Variants in APP observed in about 807,000 individuals in gnomAD.
APP encodes the protein amyloid-beta precursor protein.
A neutral mutation model predicts 101.4 loss-of-function variants in APP; 31 were observed. The observed-to-expected ratio is 0.31, with a 90% CI of 0.23 to 0.41. The LOEUF is 0.41. APP is among the 10% of genes least tolerant of loss of function. The pLI, the probability that APP is intolerant of heterozygous loss-of-function variation, is 1.00. For synonymous variants in APP, 366 were observed against 364.4 expected, an observed-to-expected ratio of 1.00 and a Z score of -0.05; for missense variants, 839 against 1,003.7, an observed-to-expected ratio of 0.84 and a Z score of 2.22.
chr21:25,896,934 A>G (rs2038089143), intron 16 of APP, among the ~76,000 whole-genome samples: 1 of 152,204 alleles, frequency 6.6e-6, no homozygotes, highest in Admixed American at 6.6e-5. Flanking sequence ...AGCCACATAA[A>G]GTGTTCTGTA....
intron 1 of APP, among the ~76,000 whole-genome samples, chr21:26,118,034 T>C (rs746735008): frequency 1.3e-5 from 2 of 152,142 alleles, no homozygotes; most frequent in Non-Finnish European, 2.9e-5. Flanking sequence ...GGTGCAAAAA[T>C]CGCAATTACT....
chr21:26,038,412 GGA>G (rs2045220079), intron 5 of APP, among the ~76,000 whole-genome samples: 1 of 152,140 alleles, frequency 6.6e-6, no homozygotes, highest in Admixed American at 6.5e-5. Context: ...TGAGCCCCAA[GGA>G]GAGTCTTTGT....
intron 6 of APP, among the ~76,000 whole-genome samples, chr21:26,011,129 G>A (rs558217275): frequency 6.6e-5 from 10 of 152,130 alleles, no homozygotes; most frequent in Admixed American, 3.9e-4. Flanking sequence ...AGACTGGAGT[G>A]CAATGGCACG....
Position 26,022,401 on chromosome 21 carries a change from T to C in APP, c.663-359A>G, listed in dbSNP as rs112017821. Among the ~76,000 whole-genome samples, 616 of 152,244 alleles carry C rather than the reference T, an allele frequency of 4.0e-3. 9 individuals carry two copies. Among genetic ancestry groups the C allele is most frequent in the African/African-American group, 0.014 (587 of 41,544 alleles). On this transcript the variant is annotated intron_variant, in intron 5 of 17. Coordinates refer to ENST00000346798, the MANE Select transcript of APP (RefSeq NM_000484.4). ...GATTTTTAGAAACTACTCTGCACGA[T>C]ACTGTCATAAGTAATAATAGATACA...
At chr21:26,132,268 C>T (rs536021648) in intron 1 of APP, among the ~76,000 whole-genome samples, 16 of 151,968 alleles carry the variant, frequency 1.1e-4, no homozygotes, top group Non-Finnish European at 1.9e-4. Flanking sequence ...GTTTGGGACT[C>T]ACTAAAAATA....
chr21:25,989,138 A>G (rs573378890), intron 8 of APP, among the ~76,000 whole-genome samples: 12 of 152,326 alleles, frequency 7.9e-5, no homozygotes, highest in African/African-American at 2.6e-4. Context: ...TTCCTCTGAG[A>G]AAACTGTTAG....
At chr21:26,084,394 C>CG (rs1183126898) in intron 3 of APP, among the ~76,000 whole-genome samples, 1 of 151,226 alleles carries the variant, frequency 6.6e-6, no homozygotes, top group African/African-American at 2.4e-5. Context: ...GCCCGCACCA[C>CG]GCCTGGCTAA....
At chr21:26,052,622 T>C (rs575666550) in intron 4 of APP, among the ~76,000 whole-genome samples, 1 of 152,208 alleles carries the variant, frequency 6.6e-6, no homozygotes, top group Non-Finnish European at 1.5e-5. Context: ...AGACTCACCC[T>C]GTGGAAAAAT....
At chr21:26,122,107 T>G (rs2062587183) in intron 1 of APP, among the ~76,000 whole-genome samples, 1 of 152,210 alleles carries the variant, frequency 6.6e-6, no homozygotes, top group African/African-American at 2.4e-5. Context: ...CTCTATCCTT[T>G]GTCAGCCCAG....
chr21:25,886,226 C>T (rs1006495543), intron 17 of APP, among the ~76,000 whole-genome samples: 1 of 151,968 alleles, frequency 6.6e-6, no homozygotes, highest in African/African-American at 2.4e-5. Context: ...GTGACTTATC[C>T]CTCGTAACCT....
intron 1 of APP, among the ~76,000 whole-genome samples, chr21:26,117,056 G>A (rs2146221661): frequency 6.6e-6 from 1 of 152,196 alleles, no homozygotes. Flanking sequence ...GATAATTTTT[G>A]TATTTTTAGT....
intron 6 of APP, among the ~76,000 whole-genome samples, chr21:26,017,206 A>ACAAAC (rs1457461756): frequency 1.3e-5 from 2 of 149,356 alleles, no homozygotes; most frequent in African/African-American, 4.9e-5. Context: ...CTCAAAAAAA[A>ACAAAC]AAAAAAAAAA....
intron 17 of APP, among the ~76,000 whole-genome samples, chr21:25,891,329 G>A: frequency 6.6e-6 from 1 of 151,780 alleles, no homozygotes; most frequent in Middle Eastern, 3.4e-3. Context: ...GAATAAACAT[G>A]TTTAGTTTTT....
At chr21:25,914,036 T>C (rs1028116353) in intron 13 of APP, among the ~76,000 whole-genome samples, 1 of 152,096 alleles carries the variant, frequency 6.6e-6, no homozygotes, top group African/African-American at 2.4e-5. Flanking sequence ...ACTTGGTAGG[T>C]ACACAACTGT....
chr21:25,932,590 A>G (rs1356835946), intron 13 of APP, among the ~76,000 whole-genome samples: 1 of 152,196 alleles, frequency 6.6e-6, no homozygotes, highest in African/African-American at 2.4e-5. Context: ...GACCTCATCC[A>G]GGCTTCTGAG....
In APP at chr21:25,881,934, T is replaced by G. The variant is rs556770258; in HGVS notation, c.2212-163A>C. ...CTTTGACATCTTGGAGCAGAACGCCTTTGCCCACCAGTTACACAGATGCTG... is the reference window on the plus strand; with the variant it reads ...CTTTGACATCTTGGAGCAGAACGCCGTTGCCCACCAGTTACACAGATGCTG... On this transcript the variant is annotated intron_variant, in intron 17 of 17. Transcript: ENST00000346798. Among the ~76,000 whole-genome samples, 221 of 152,286 alleles carry G rather than the reference T, an allele frequency of 1.5e-3. 1 individual carries two copies. The highest frequency in any genetic ancestry group is 1.5e-3 in the Non-Finnish European group (105 of 68,018).
chr21:26,163,780 GT>G (rs1277509782), intron 1 of APP, among the ~76,000 whole-genome samples: 1 of 152,098 alleles, frequency 6.6e-6, no homozygotes, highest in Non-Finnish European at 1.5e-5. Context: ...AGTATCACCA[GT>G]TTCATACACT....
At chr21:25,884,908 TCC>T (rs2037226765) in intron 17 of APP, among the ~76,000 whole-genome samples, 3 of 152,218 alleles carry the variant, frequency 2.0e-5, no homozygotes, top group South Asian at 4.1e-4. Context: ...CTCTTCAAAC[TCC>T]AAAGCCTAAC....
rs529749118 is a variant in APP, at chr21:26,057,565, T to A, written c.356-4217A>T. Among the ~76,000 whole-genome samples, 3 of 152,242 alleles carry A rather than the reference T, an allele frequency of 2.0e-5. No individual in the cohort carries two copies. The South Asian group carries it at 6.2e-4, about 32-fold the overall frequency. On this transcript the variant is annotated intron_variant, in intron 3 of 17. Coordinates refer to ENST00000346798, the MANE Select transcript of APP (RefSeq NM_000484.4). ...TGGGTCTGGCTTCTTGGCTATGAAG[T>A]CTTGGCAAGGTGAACAAGGATGGCA...
Sources: allele counts gnomAD v4.1 joint callset (sites outside exome capture counted in the v4.1 genomes callset), GRCh38; gene constraint gnomAD v4.1.1; transcripts MANE v1.5; gene names NCBI Gene and HGNC (gene_info 2026-07-23, HGNC 2026-07-21).